Variants in TENM3 observed in about 807,000 individuals in gnomAD.
TENM3 encodes the protein teneurin transmembrane protein 3.
In TENM3, 63 loss-of-function variants were observed where a neutral mutation model predicts 255.1. The observed-to-expected ratio is 0.25, with a 90% CI of 0.20 to 0.30. The LOEUF (loss-of-function observed/expected upper bound fraction) is 0.30, where lower values mean the gene tolerates loss of function less well. Ranked by LOEUF, TENM3 falls within the 10% of genes least tolerant of loss-of-function variation. The probability of loss-of-function intolerance (pLI) is 1.00; values close to 1 mark genes in which losing one functional copy is unlikely to be tolerated. For missense variants in TENM3, 2,929 were observed against 3,461.1 expected (o/e 0.85, Z 3.86); for synonymous variants, 1,306 against 1,322.3 (o/e 0.99, Z 0.27).
At chr4:182,554,213 T>G (rs1043979149) in intron 3 of TENM3, among the ~76,000 whole-genome samples, 4 of 152,344 alleles carry the variant, frequency 2.6e-5, no homozygotes, top group South Asian at 2.1e-4. Context: ...GATTAATCTT[T>G]TCTTTCGTGT....
the TENM3 span, among the ~76,000 whole-genome samples, chr4:181,692,182 T>G: frequency 6.6e-6 from 1 of 152,198 alleles, no homozygotes; most frequent in Non-Finnish European, 1.5e-5. Flanking sequence ...TATAATGTAT[T>G]AAGAGGTAAG....
At chr4:182,665,998 T>G (rs1427721958) in intron 6 of TENM3, among the ~76,000 whole-genome samples, 1 of 152,080 alleles carries the variant, frequency 6.6e-6, no homozygotes, top group Non-Finnish European at 1.5e-5. Flanking sequence ...TAGCAAGAGT[T>G]TGGAACTTAA....
the TENM3 span, among the ~76,000 whole-genome samples, chr4:182,017,036 CACATATTCCAA>C: frequency 1.3e-5 from 2 of 152,206 alleles, no homozygotes; most frequent in African/African-American, 4.8e-5. Flanking sequence ...TTACAATGGA[CACATATTCCAA>C]ACATAGACAA....
At chr4:182,663,366 A>G (rs2152534372) in intron 6 of TENM3, among the ~76,000 whole-genome samples, 1 of 152,300 alleles carries the variant, frequency 6.6e-6, no homozygotes, top group East Asian at 1.9e-4. Context: ...TATACTTACA[A>G]TTATTAGTTG....
intron 1 of TENM3, among the ~76,000 whole-genome samples, chr4:182,292,464 TC>T (rs1449833244): frequency 3.9e-5 from 6 of 152,242 alleles, no homozygotes; most frequent in African/African-American, 1.4e-4. Context: ...TATTTCTTGT[TC>T]TATTTTTCCA....
At chr4:182,486,607 AT>A (rs1734751234) in intron 3 of TENM3, among the ~76,000 whole-genome samples, 1 of 152,164 alleles carries the variant, frequency 6.6e-6, no homozygotes, top group Admixed American at 6.5e-5. Context: ...GGTAATAGAA[AT>A]TTTATGTAAG....
Position 182,325,659 on chromosome 4 carries a change from T to C in TENM3, c.232+1407T>C, listed in dbSNP as rs143177011. Among the ~76,000 whole-genome samples the C allele has an allele frequency of 1.5e-3, 235 of 152,266 alleles. 2 individuals carry two copies. The highest frequency in any genetic ancestry group is 4.6e-3 in the African/African-American group (189 of 41,534). ...CAACAATTTAAAAAATAGTAAGTAGTGTAGAAATGCATGCAATCTGCACCA... is the reference window on the plus strand; with the variant it reads ...CAACAATTTAAAAAATAGTAAGTAGCGTAGAAATGCATGCAATCTGCACCA... On this transcript the variant is annotated intron_variant, in intron 2 of 27. Coordinates refer to ENST00000511685, the MANE Select transcript of TENM3 (RefSeq NM_001080477.4).
intron 18 of TENM3, among the ~76,000 whole-genome samples, chr4:182,742,818 A>G (rs7670260): frequency 0.71 from 107,582 of 152,030 alleles, 38,755 homozygotes; most frequent in East Asian, 0.91. Flanking sequence ...GTGAGAACCA[A>G]GCATTAATAT....
At chr4:182,425,813 G>C (rs918953562) in intron 3 of TENM3, among the ~76,000 whole-genome samples, 1 of 151,986 alleles carries the variant, frequency 6.6e-6, no homozygotes, top group African/African-American at 2.4e-5. Context: ...ATCAAGACCA[G>C]CCTGACCAAC....
At chr4:181,606,676 G>C in the TENM3 span, among the ~76,000 whole-genome samples, 1 of 151,958 alleles carries the variant, frequency 6.6e-6, no homozygotes, top group African/African-American at 2.4e-5. Context: ...CCAGTGCCAG[G>C]CAGTCTTTTT....
At chr4:182,591,243 AAGAGAGAGAAAG>A (rs1191880993) in intron 3 of TENM3, among the ~76,000 whole-genome samples, 1 of 152,172 alleles carries the variant, frequency 6.6e-6, no homozygotes, top group Non-Finnish European at 1.5e-5. Context: ...AATCTAAAAA[AAGAGAGAGAAAG>A]AGAGAGAGAA....
the TENM3 span, among the ~76,000 whole-genome samples, chr4:181,518,933 G>T: frequency 6.6e-6 from 1 of 152,208 alleles, no homozygotes; most frequent in Non-Finnish European, 1.5e-5. Flanking sequence ...AATATGGACA[G>T]TGAGCTGTTT....
At chr4:181,506,693 A>G in the TENM3 span, among the ~76,000 whole-genome samples, 1 of 152,038 alleles carries the variant, frequency 6.6e-6, no homozygotes, top group East Asian at 2.0e-4. Flanking sequence ...TTGAAGGACC[A>G]TGATGAGGAC....
chr4:182,185,037 T>C (rs542951989), intron 1 of TENM3, among the ~76,000 whole-genome samples: 8 of 151,914 alleles, frequency 5.3e-5, no homozygotes, highest in African/African-American at 1.9e-4. Context: ...GAGCCGAGAC[T>C]GCGCTACTGC....
intron 3 of TENM3, among the ~76,000 whole-genome samples, chr4:182,382,510 T>C (rs538654184): frequency 6.6e-6 from 1 of 152,322 alleles, no homozygotes; most frequent in East Asian, 1.9e-4. Flanking sequence ...CAGGAAATGT[T>C]TAGAGAACCA....
At chr4:182,184,405 T>C (rs1055407327) in intron 1 of TENM3, among the ~76,000 whole-genome samples, 2 of 151,744 alleles carry the variant, frequency 1.3e-5, no homozygotes, top group African/African-American at 2.4e-5. Flanking sequence ...TTCCAAAAAT[T>C]GCCCTTTCAT....
At chr4:181,467,076 T>C in the TENM3 span, among the ~76,000 whole-genome samples, 17,382 of 56,716 alleles carry the variant, frequency 0.31, 2,213 homozygotes, top group Non-Finnish European at 0.33. Context: ...TGTGTGTGTG[T>C]GTGTGTGCGT....
At chr4:181,739,030 T>C in the TENM3 span, among the ~76,000 whole-genome samples, 1 of 152,100 alleles carries the variant, frequency 6.6e-6, no homozygotes, top group South Asian at 2.1e-4. Context: ...ACTGAACCCA[T>C]GAAATTAATG....
chr4:182,785,779 A>C (rs545617597), intron 24 of TENM3, among the ~76,000 whole-genome samples: 25 of 150,486 alleles, frequency 1.7e-4, no homozygotes, highest in African/African-American at 3.9e-4. Context: ...ACTGTAACAA[A>C]AAAAAAAAAA....
Sources: gnomAD v4.1 joint callset for allele counts (sites outside exome capture counted in the v4.1 genomes callset) on GRCh38, gnomAD v4.1.1 for gene constraint, MANE v1.5 for transcripts, NCBI Gene and HGNC (gene_info 2026-07-23, HGNC 2026-07-21) for gene names.